The following DGKI variants were observed in gnomAD, a reference collection of about 807,000 sequenced individuals.
DGKI encodes the protein DAG kinase iota.
A neutral mutation model predicts 147.5 loss-of-function variants in DGKI; 55 were observed. The observed-to-expected ratio is 0.37, with a 90% CI of 0.30 to 0.47. The LOEUF (loss-of-function observed/expected upper bound fraction) is 0.47, where lower values mean the gene tolerates loss of function less well. DGKI is among the 20% of genes least tolerant of loss of function. DGKI has a pLI of 1.00. For missense variants in DGKI, 1,007 were observed against 1,323.8 expected (o/e 0.76, Z 3.71); for synonymous variants, 469 against 477.1 (o/e 0.98, Z 0.22).
chr7:137,580,729 T>C (rs1819158594), intron 15 of DGKI, among the ~76,000 whole-genome samples: 1 of 152,144 alleles, frequency 6.6e-6, no homozygotes, highest in Admixed American at 6.6e-5. Flanking sequence ...TCTTGACTTC[T>C]AGTGCATAAG....
chr7:137,517,311 GAAAGAAAGAA>G (rs1563063913), intron 21 of DGKI, among the ~76,000 whole-genome samples: 67 of 98,566 alleles, frequency 6.8e-4, no homozygotes, highest in African/African-American at 2.6e-3. Context: ...AAGAAAGAAA[GAAAGAAAGAA>G]AGAAAGAAAG....
At chr7:137,746,235 T>C (rs1161016900) in intron 1 of DGKI, among the ~76,000 whole-genome samples, 1 of 152,206 alleles carries the variant, frequency 6.6e-6, no homozygotes, top group Non-Finnish European at 1.5e-5. Flanking sequence ...TGTGCTTAAG[T>C]TGTCCAGGCA....
chr7:137,751,975 T>TTATTTAAATG (rs1795501344), intron 1 of DGKI, among the ~76,000 whole-genome samples: 2 of 152,174 alleles, frequency 1.3e-5, no homozygotes, highest in African/African-American at 4.8e-5. Flanking sequence ...CATTATCCAA[T>TTATTTAAATG]TATTTAAATG....
intron 31 of DGKI, among the ~76,000 whole-genome samples, 171 bp downstream of exon 31, chr7:137,397,206 C>T (rs1585074363): frequency 1.3e-5 from 2 of 152,168 alleles, no homozygotes; most frequent in South Asian, 2.1e-4. Context: ...ATTTCTATTC[C>T]GTAATTTTTT....
intron 1 of DGKI, among the ~76,000 whole-genome samples, chr7:137,792,232 T>C (rs554561675): frequency 6.6e-6 from 1 of 151,986 alleles, no homozygotes; most frequent in South Asian, 2.1e-4. Context: ...AGAAAGAGAA[T>C]GAGATAGAGA....
intron 1 of DGKI, among the ~76,000 whole-genome samples, chr7:137,807,224 T>C (rs1436894821): frequency 6.6e-6 from 1 of 152,222 alleles, no homozygotes; most frequent in Non-Finnish European, 1.5e-5. Context: ...GGTTTTCAAA[T>C]ACAAGGACTT....
chr7:137,478,000 C>G (rs940098415), intron 23 of DGKI, among the ~76,000 whole-genome samples: 27 of 152,124 alleles, frequency 1.8e-4, no homozygotes, highest in African/African-American at 6.5e-4. Flanking sequence ...CATATGTATT[C>G]ATGTATGTCT....
Position 137,469,576 on chromosome 7 carries a change from A to C in DGKI, c.2417T>G (p.Leu806Arg). 1 of 1,614,008 alleles carries C rather than the reference A, an allele frequency of 6.2e-7. No homozygotes were observed. The highest frequency in any genetic ancestry group is 1.7e-5 in the Admixed American group (1 of 59,998). Residue 806 changes from leucine to arginine, a missense_variant, in exon 24 of 33, where the codon CTC becomes CGC. Physicochemically the swap from Leu to Arg is moderately radical, Grantham distance 102 (BLOSUM62 -2). This residue lies in a region of DGKI where 385 missense variants were observed against 445.2 expected (regional missense o/e 0.86). Transcript: ENST00000614521. ...ATCTAGGAAGCACCACCGAGGAGAG[A>C]GCCTCTGTGCTGAGAGAGCCCTGGG... The part of the protein sequence containing the change: ...SFPRALSAQR[L>R]SPRWCFLDAT...
intron 1 of DGKI, among the ~76,000 whole-genome samples, chr7:137,751,644 C>A (rs748517015): frequency 6.6e-6 from 1 of 152,150 alleles, no homozygotes; most frequent in Non-Finnish European, 1.5e-5. Context: ...AAGGAAAAGA[C>A]TAAATTAAAC....
intron 28 of DGKI, among the ~76,000 whole-genome samples, chr7:137,423,132 G>C (rs562962367): frequency 3.0e-4 from 45 of 152,218 alleles, no homozygotes; most frequent in Non-Finnish European, 5.6e-4. Flanking sequence ...CTGGCATTTG[G>C]ATGATAAAGC....
At chr7:137,473,060 C>T (rs1815041750) in intron 23 of DGKI, among the ~76,000 whole-genome samples, 2 of 152,206 alleles carry the variant, frequency 1.3e-5, no homozygotes, top group South Asian at 2.1e-4. Context: ...GAGGCACTGC[C>T]TCAGCAACAT....
chr7:137,396,149 A>C (rs1811544073), intron 31 of DGKI, among the ~76,000 whole-genome samples: 1 of 152,214 alleles, frequency 6.6e-6, no homozygotes, highest in Non-Finnish European at 1.5e-5. Context: ...GTTGATGGCC[A>C]CTCGGCCTGC....
At chr7:137,678,491 C>G in intron 3 of DGKI, 66 bp downstream of exon 3, 1 of 1,493,100 alleles carries the variant, frequency 6.7e-7, no homozygotes. Flanking sequence ...GAAATTTAGG[C>G]AAGGTGACCC....
intron 32 of DGKI, among the ~76,000 whole-genome samples, chr7:137,394,478 T>C (rs2128893289): frequency 6.6e-6 from 1 of 152,278 alleles, no homozygotes; most frequent in South Asian, 2.1e-4. Flanking sequence ...GGCTGAGCCC[T>C]GGTTCAACTC....
Position 137,671,645 on chromosome 7 carries a change from C to A in DGKI, c.606+6912G>T, listed in dbSNP as rs184709804. 4.8e-3 allele frequency among the ~76,000 whole-genome samples: 724 copies of A among 152,324 alleles called. 21 individuals carry two copies. Among genetic ancestry groups the A allele is most frequent in the East Asian group, 3.3e-3 (17 of 5,192 alleles). On this transcript the variant is annotated intron_variant, in intron 3 of 32. Transcript: ENST00000614521. ...GAAACTGAGGCTCAGAAAGGCAGAG[C>A]AGAACTTGCATTTTTATCTAGATCT...
At chr7:137,665,948 AT>A (rs1436617687) in intron 3 of DGKI, among the ~76,000 whole-genome samples, 3 of 152,188 alleles carry the variant, frequency 2.0e-5, no homozygotes, top group Non-Finnish European at 4.4e-5. Context: ...AGGAGAAACA[AT>A]TTGGTAAGAA....
chr7:137,654,765 T>A lies in DGKI; in HGVS notation c.705A>T (p.Thr235=), dbSNP rs34897687. 4.0e-4 allele frequency: 642 copies of A among 1,609,046 alleles called. 3 individuals carry two copies. In the African/African-American group the frequency reaches 7.5e-3, roughly 19 times the overall value. Residue 235 remains threonine, a synonymous_variant, in exon 5 of 33, where the codon ACA becomes ACT. Transcript: ENST00000614521. Reference sequence around the variant, plus strand: ...GTGACCTTGAGCCTCCTTCTCGAAATGTTGGTTTACATCTGAAATTAATCT... The same window carrying A: ...GTGACCTTGAGCCTCCTTCTCGAAAAGTTGGTTTACATCTGAAATTAATCT... ...LEKINFRCKP[T]FREGGSRSPR...
At chr7:137,609,691 G>C in intron 8 of DGKI, 82 bp from the exon 9 acceptor site, 1 of 936,334 alleles carries the variant, frequency 1.1e-6, no homozygotes. Flanking sequence ...AGAAGATGAC[G>C]GCAGCGCATG....
chr7:137,616,898 G>C (rs1374692942), intron 8 of DGKI, among the ~76,000 whole-genome samples: 1 of 151,752 alleles, frequency 6.6e-6, no homozygotes, highest in African/African-American at 2.4e-5. Flanking sequence ...TAGCTAAAAA[G>C]AGTGAAAATT....
Sources: gnomAD v4.1 joint callset for allele counts (sites outside exome capture counted in the v4.1 genomes callset) on GRCh38, gnomAD v4.1.1 for gene constraint, gnomAD v4.1.1 regional missense constraint, MANE v1.5 for transcripts, NCBI Gene and HGNC (gene_info 2026-07-23, HGNC 2026-07-21) for gene names.